PDGFD: variants seen among roughly 807,000 people sequenced by gnomAD.
The protein encoded by PDGFD is platelet-derived growth factor D.
Under a neutral mutation model 44.7 loss-of-function variants are expected in PDGFD, and 30 were observed. The ratio of observed to expected loss-of-function variants is 0.67; its 90% CI spans 0.50 to 0.91. The LOEUF is 0.91. Among genes scored for constraint, PDGFD ranks in the 40% least tolerant of loss-of-function variants. The pLI is 0.00. For missense variants in PDGFD, 445 were observed against 457.8 expected (o/e 0.97, Z 0.25); for synonymous variants, 173 against 168.4 (o/e 1.03, Z -0.21).
At chr11:104,162,835 ACT>A (rs1190028197) in intron 1 of PDGFD, among the ~76,000 whole-genome samples, 1 of 152,164 alleles carries the variant, frequency 6.6e-6, no homozygotes, top group Non-Finnish European at 1.5e-5. Context: ...ATGTGTTAGT[ACT>A]TTAAGCAAGC....
At chr11:104,062,222 TTCTC>T (rs1215222521) in intron 1 of PDGFD, among the ~76,000 whole-genome samples, 1 of 152,178 alleles carries the variant, frequency 6.6e-6, no homozygotes, top group Non-Finnish European at 1.5e-5. Context: ...CACCCAGTGT[TTCTC>T]TCTGTCACAC....
At chr11:103,965,933 C>A (rs1859013253) in intron 3 of PDGFD, among the ~76,000 whole-genome samples, 1 of 152,194 alleles carries the variant, frequency 6.6e-6, no homozygotes, top group Non-Finnish European at 1.5e-5. Flanking sequence ...TGGTCTAGGG[C>A]TTTCTCTTCC....
chr11:104,095,307 C>G (rs772432652), intron 1 of PDGFD, among the ~76,000 whole-genome samples: 4 of 151,762 alleles, frequency 2.6e-5, no homozygotes, highest in African/African-American at 9.7e-5. Flanking sequence ...ATACTGTATA[C>G]GCAGCACTTA....
chr11:103,935,361 A>AT (rs1461604206), intron 5 of PDGFD, among the ~76,000 whole-genome samples: 1 of 152,190 alleles, frequency 6.6e-6, no homozygotes, highest in Non-Finnish European at 1.5e-5. Context: ...ACACAATATG[A>AT]TAAACAACAA....
At chr11:104,163,085 G>A (rs1862412693) in intron 1 of PDGFD, among the ~76,000 whole-genome samples, 1 of 152,148 alleles carries the variant, frequency 6.6e-6, no homozygotes, top group African/African-American at 2.4e-5. Context: ...TGTTTCAGGA[G>A]CTGTGCTCCT....
chr11:104,118,228 G>C (rs1861669467), intron 1 of PDGFD, among the ~76,000 whole-genome samples: 1 of 151,762 alleles, frequency 6.6e-6, no homozygotes, highest in African/African-American at 2.4e-5. Context: ...GTCTTTGAGA[G>C]GTAATTAGAT....
chr11:104,105,468 T>C (rs1861458266), intron 1 of PDGFD, among the ~76,000 whole-genome samples: 1 of 152,196 alleles, frequency 6.6e-6, no homozygotes, highest in South Asian at 2.1e-4. Context: ...ATAAACCATG[T>C]TTACATGGGT....
In PDGFD at chr11:104,138,122, A is replaced by T. The variant is rs148553301; in HGVS notation, c.124+25682T>A. On this transcript the variant is annotated intron_variant, in intron 1 of 6. Transcript: ENST00000393158. The stretch of plus-strand genomic sequence containing the variant: ...AACACTTTTTTATTATAAACAAATG[A>T]TGTAAATCCATAAGTTGTGATAGCT... Among the ~76,000 whole-genome samples, 1,260 of 152,314 alleles carry T rather than the reference A, an allele frequency of 8.3e-3. 18 individuals carry two copies. Among genetic ancestry groups the T allele is most frequent in the African/African-American group, 0.029 (1,201 of 41,562 alleles).
At chr11:104,016,718 C>G (rs1285329733) in intron 1 of PDGFD, among the ~76,000 whole-genome samples, 1 of 152,212 alleles carries the variant, frequency 6.6e-6, no homozygotes, top group Non-Finnish European at 1.5e-5. Context: ...ACGAATGCTA[C>G]TTTAACACGG....
At chr11:104,143,310 G>A (rs1591184832) in intron 1 of PDGFD, among the ~76,000 whole-genome samples, 2 of 152,166 alleles carry the variant, frequency 1.3e-5, no homozygotes, top group South Asian at 4.1e-4. Context: ...TAATAAAACT[G>A]CTGTCTAATA....
intron 1 of PDGFD, among the ~76,000 whole-genome samples, chr11:104,075,120 T>G (rs10895570): frequency 0.23 from 35,251 of 152,108 alleles, 5,019 homozygotes; most frequent in East Asian, 0.34. Context: ...TGCCATAACA[T>G]GAAAATGCAG....
intron 1 of PDGFD, among the ~76,000 whole-genome samples, chr11:104,092,110 G>A (rs1861219908): frequency 1.3e-5 from 2 of 152,164 alleles, no homozygotes; most frequent in Admixed American, 6.6e-5. Flanking sequence ...ATGGCTCAGA[G>A]AGCAAGGTGA....
chr11:103,988,656 T>A (rs1859406549), intron 3 of PDGFD, among the ~76,000 whole-genome samples: 1 of 152,132 alleles, frequency 6.6e-6, no homozygotes, highest in South Asian at 2.1e-4. Context: ...TATATTTACT[T>A]TTCTGTGGAG....
chr11:104,009,732 T>TCTCCTAACTTAAAAAGTAC, intron 1 of PDGFD, among the ~76,000 whole-genome samples: 1 of 152,224 alleles, frequency 6.6e-6, no homozygotes, highest in South Asian at 2.1e-4. Context: ...CCATAAATTA[T>TCTCCTAACTTAAAAAGTAC]CTCCTAACTT....
At chr11:104,068,686 T>TG (rs1860828759) in intron 1 of PDGFD, among the ~76,000 whole-genome samples, 1 of 152,212 alleles carries the variant, frequency 6.6e-6, no homozygotes, top group South Asian at 2.1e-4. Flanking sequence ...TTTATATTTG[T>TG]GGATCTATTA....
intron 3 of PDGFD, among the ~76,000 whole-genome samples, chr11:103,961,645 T>C (rs1321867350): frequency 6.6e-6 from 1 of 152,184 alleles, no homozygotes; most frequent in Non-Finnish European, 1.5e-5. Flanking sequence ...GATTTTTTCT[T>C]AATCATCTAT....
At chr11:104,070,586 C>T (rs763491236) in intron 1 of PDGFD, among the ~76,000 whole-genome samples, 21 of 152,188 alleles carry the variant, frequency 1.4e-4, no homozygotes, top group Non-Finnish European at 2.6e-4. Context: ...ATTATTTGAG[C>T]TAGCTCCTTC....
intron 1 of PDGFD, among the ~76,000 whole-genome samples, chr11:104,030,300 G>A (rs547575588): frequency 1.6e-4 from 25 of 152,320 alleles, no homozygotes; most frequent in African/African-American, 5.1e-4. Context: ...TAATTTTGGA[G>A]ATCCCTGACG....
chr11:104,160,479 G>A (rs1862372783), intron 1 of PDGFD, among the ~76,000 whole-genome samples: 1 of 152,174 alleles, frequency 6.6e-6, no homozygotes. Flanking sequence ...GTTTTGGCCA[G>A]TTATTATTAC....
Sources: allele counts gnomAD v4.1 joint callset (sites outside exome capture counted in the v4.1 genomes callset), GRCh38; gene constraint gnomAD v4.1.1; transcripts MANE v1.5; gene names NCBI Gene and HGNC (gene_info 2026-07-23, HGNC 2026-07-21).